The following CATSPERD variants were observed in gnomAD, a reference collection of about 807,000 sequenced individuals.
CATSPERD encodes catsper channel auxiliary subunit delta.
CATSPERD carries 86 observed loss-of-function variants against 98.1 expected under a neutral mutation model. The observed-to-expected ratio is 0.88, with a 90% CI of 0.74 to 1.05. The LOEUF is 1.05. Ranked by LOEUF, CATSPERD falls within the 50% of genes least tolerant of loss-of-function variation. CATSPERD has a pLI of 0.00. For missense variants in CATSPERD, 995 were observed against 1,005.7 expected, an observed-to-expected ratio of 0.99 and a Z score of 0.14; for synonymous variants, 394 against 390.2, an observed-to-expected ratio of 1.01 and a Z score of -0.12.
In CATSPERD at chr19:5,754,131, G is replaced by C. The variant is rs769168931; in HGVS notation, c.1165-1G>C. 7.5e-6 allele frequency: 12 copies of C among 1,591,680 alleles called. No homozygotes were observed. The highest frequency in any genetic ancestry group is 1.0e-5 in the Non-Finnish European group (12 of 1,159,602). The stretch of plus-strand genomic sequence containing the variant: ...TCTTTCTTCTTCGCCTTTTTAACTA[G>C]ATAGAGTTTCTGACAGGAGAATTTA... On this transcript the variant is annotated splice_acceptor_variant, in intron 12 of 21. Coordinates refer to ENST00000381624, the MANE Select transcript of CATSPERD (RefSeq NM_152784.4). LOFTEE classifies it high-confidence loss of function.
chr19:5,746,135 A>G, intron 9 of CATSPERD, 72 bp downstream of exon 9: 3 of 1,556,614 alleles, frequency 1.9e-6, no homozygotes, highest in Non-Finnish European at 2.6e-6. Flanking sequence ...CAGCCTGGAT[A>G]AGGGGAGGGG....
intron 15 of CATSPERD, among the ~76,000 whole-genome samples, chr19:5,760,569 T>TG (rs916436369): frequency 2.0e-5 from 2 of 100,294 alleles, no homozygotes; most frequent in African/African-American, 3.9e-5. Flanking sequence ...GGAAGTAGGA[T>TG]GGGGGGTGCC....
intron 3 of CATSPERD, among the ~76,000 whole-genome samples, chr19:5,728,650 G>C (rs964210723): frequency 8.6e-5 from 13 of 151,572 alleles, no homozygotes; most frequent in Non-Finnish European, 1.9e-4. Flanking sequence ...CTTGAGCCCA[G>C]GAGTTGAAAA....
chr19:5,778,026 T>C (rs2056764249), intron 21 of CATSPERD, among the ~76,000 whole-genome samples: 1 of 150,358 alleles, frequency 6.7e-6, no homozygotes, highest in South Asian at 2.1e-4. Flanking sequence ...CTGGCCGAGG[T>C]GAAACCCCAT....
intron 4 of CATSPERD, among the ~76,000 whole-genome samples, chr19:5,731,266 C>A (rs990479793): frequency 2.0e-5 from 3 of 151,916 alleles, no homozygotes; most frequent in African/African-American, 7.3e-5. Flanking sequence ...GATTGCTTGA[C>A]CCTAGGAGTT....
At chr19:5,737,537 A>G (rs1219988965) in intron 6 of CATSPERD, among the ~76,000 whole-genome samples, 2 of 125,340 alleles carry the variant, frequency 1.6e-5, no homozygotes, top group Non-Finnish European at 3.4e-5. Context: ...GCAACTAGCA[A>G]GACTCTGTCA....
At chr19:5,738,198 G>T (rs1456871557) in intron 6 of CATSPERD, among the ~76,000 whole-genome samples, 1 of 151,722 alleles carries the variant, frequency 6.6e-6, no homozygotes, top group Non-Finnish European at 1.5e-5. Context: ...ACAAGGTCAG[G>T]AGTTCGAGAC....
At chr19:5,756,135 G>T (rs933441707) in intron 13 of CATSPERD, among the ~76,000 whole-genome samples, 2 of 151,958 alleles carry the variant, frequency 1.3e-5, no homozygotes, top group Non-Finnish European at 2.9e-5. Flanking sequence ...ACAAAAATTA[G>T]CCGGGTGTGG....
intron 15 of CATSPERD, among the ~76,000 whole-genome samples, chr19:5,759,547 A>G (rs1443233169): frequency 6.8e-6 from 1 of 146,592 alleles, no homozygotes; most frequent in Non-Finnish European, 1.5e-5. Context: ...CCTGGGCGAC[A>G]AACATGAAAC....
intron 15 of CATSPERD, among the ~76,000 whole-genome samples, chr19:5,762,617 G>GTGGATGGA (rs543017321): frequency 4.0e-5 from 6 of 151,670 alleles, no homozygotes; most frequent in South Asian, 4.2e-4. Context: ...GGATGGGTGG[G>GTGGATGGA]TGGATGGATG....
chr19:5,729,630 C>T (rs979430622), intron 3 of CATSPERD, among the ~76,000 whole-genome samples: 1 of 152,172 alleles, frequency 6.6e-6, no homozygotes, highest in Non-Finnish European at 1.5e-5. Flanking sequence ...CATCCTGCCA[C>T]TCAATGTACA....
intron 20 of CATSPERD, among the ~76,000 whole-genome samples, chr19:5,774,747 T>C (rs1402371268): frequency 6.6e-6 from 1 of 151,992 alleles, no homozygotes. Context: ...CCAGGTACTG[T>C]GGCTCACGCC....
At chr19:5,763,732 G>T (rs563350101) in intron 16 of CATSPERD, among the ~76,000 whole-genome samples, 1 of 150,520 alleles carries the variant, frequency 6.6e-6, no homozygotes, top group East Asian at 2.0e-4. Flanking sequence ...TGATCTGCCC[G>T]CCTTGGTCTC....
intron 9 of CATSPERD, among the ~76,000 whole-genome samples, chr19:5,747,610 CTTTTT>C (rs10603074): frequency 1.1e-5 from 1 of 87,648 alleles, no homozygotes; most frequent in Non-Finnish European, 2.3e-5. Context: ...TTTTTCTTTT[CTTTTT>C]TTTTTTTTTT....
chr19:5,721,777 T>C (rs2055485823), intron 1 of CATSPERD, among the ~76,000 whole-genome samples: 2 of 151,784 alleles, frequency 1.3e-5, no homozygotes, highest in Non-Finnish European at 2.9e-5. Context: ...TCACTTGAGG[T>C]CAAGAGTTCC....
intron 7 of CATSPERD, 102 bp downstream of exon 7, chr19:5,739,541 G>C (rs759614063): frequency 1.5e-6 from 1 of 668,104 alleles, no homozygotes; most frequent in Non-Finnish European, 2.5e-6. Flanking sequence ...CTCTTTAAGA[G>C]TCCAACTGGG....
chr19:5,763,316 C>T, intron 16 of CATSPERD, 23 bp downstream of exon 16: 1 of 1,594,732 alleles, frequency 6.3e-7, no homozygotes. Context: ...TCTTTGCTGT[C>T]CCATATTCGG....
rs762370098 is a variant in CATSPERD at position 5,734,800 on chromosome 19, TAA to T, written c.391+844_391+845del. Among the ~76,000 whole-genome samples the T allele has an allele frequency of 1.7e-3, 224 of 134,850 alleles. 3 individuals are homozygous for T. The highest frequency in any genetic ancestry group is 6.0e-3 in the East Asian group (28 of 4,704). 88.5% of individuals were successfully genotyped at this position (134,850 alleles called of 152,430 possible). A position where few individuals can be genotyped will look rare whatever the true frequency, so the allele number is the denominator to read the frequency against. ...CTGGATGACAGAGTGAGACTCTGTC[TAA>T]AAAAAAAAAAAAATCGAGGGACATC... On this transcript the variant is annotated intron_variant, in intron 5 of 21. Transcript: ENST00000381624.
chr19:5,762,805 GAGAT>G (rs912183224), intron 15 of CATSPERD, among the ~76,000 whole-genome samples: 25 of 151,434 alleles, frequency 1.7e-4, no homozygotes, highest in East Asian at 2.0e-4. Context: ...AAGGATGGAT[GAGAT>G]AGATGGATGG....
Sources: allele counts gnomAD v4.1 joint callset (sites outside exome capture counted in the v4.1 genomes callset), GRCh38; gene constraint gnomAD v4.1.1; transcripts MANE v1.5; gene names NCBI Gene and HGNC (gene_info 2026-07-23, HGNC 2026-07-21).